The following WNK2 variants were observed in gnomAD, a reference collection of about 807,000 sequenced individuals.
WNK2 encodes serine/threonine-protein kinase WNK2.
A neutral mutation model predicts 192.1 loss-of-function variants in WNK2; 67 were observed. The ratio of observed to expected loss-of-function variants is 0.35; its 90% CI spans 0.29 to 0.43. The LOEUF is 0.43. Ranked by LOEUF, WNK2 falls within the 20% of genes least tolerant of loss-of-function variation. WNK2 has a pLI of 1.00. For missense variants in WNK2, 2,698 were observed against 3,089.7 expected, an observed-to-expected ratio of 0.87 and a Z score of 3.01; for synonymous variants, 1,439 against 1,393.9, an observed-to-expected ratio of 1.03 and a Z score of -0.72.
intron 15 of WNK2, 65 bp downstream of exon 15, chr9:93,263,799 T>A: frequency 6.7e-6 from 1 of 148,508 alleles, no homozygotes; most frequent in Non-Finnish European, 1.4e-5. Flanking sequence ...GTGGTGGGGG[T>A]GGGGCCGTGG....
chr9:93,259,894 T>A lies in WNK2; in HGVS notation c.3066+280T>A, dbSNP rs553685403. Among the ~76,000 whole-genome samples, 20 of 152,346 alleles carry A rather than the reference T, an allele frequency of 1.3e-4. No individual in the cohort carries two copies. In the South Asian group the frequency reaches 2.5e-3, roughly 19 times the overall value. On this transcript the variant is annotated intron_variant, in intron 12 of 29. Transcript: ENST00000427277. The surrounding 1 kb of genome is among the most constrained non-coding windows in gnomAD (Gnocchi z 4.8). ...GGCTCTGTGGCCCCTGCTCTTGTGG[T>A]ATCTTTGTACCTGCCCTCACCCAGG...
chr9:93,309,646 C>T (rs1306916876), intron 28 of WNK2, among the ~76,000 whole-genome samples: 4 of 152,130 alleles, frequency 2.6e-5, no homozygotes, highest in African/African-American at 9.7e-5. Context: ...ATGCAATCTC[C>T]TTAGGGGTGT....
chr9:93,284,924 A>G (rs1184506455), intron 19 of WNK2, among the ~76,000 whole-genome samples: 3 of 152,238 alleles, frequency 2.0e-5, no homozygotes, highest in Non-Finnish European at 2.9e-5. Flanking sequence ...GTGTTTTTCT[A>G]TTATCTACTC....
chr9:93,252,303 A>G (rs917302974), intron 8 of WNK2, among the ~76,000 whole-genome samples: 1 of 152,190 alleles, frequency 6.6e-6, no homozygotes, highest in South Asian at 2.1e-4. Flanking sequence ...GGGGGAGCTC[A>G]GGCCATGGGC....
chr9:93,213,314 C>G (rs1416919688), intron 2 of WNK2, among the ~76,000 whole-genome samples: 1 of 152,128 alleles, frequency 6.6e-6, no homozygotes, highest in African/African-American at 2.4e-5. Context: ...TTTTATTTCA[C>G]TTTACTTCAT....
At chr9:93,264,072 T>C in intron 16 of WNK2, 39 bp downstream of exon 16, 1 of 1,495,172 alleles carries the variant, frequency 6.7e-7, no homozygotes, top group African/African-American at 1.4e-5. Flanking sequence ...CCGGTGTTTC[T>C]TGGACACGTG....
chr9:93,314,446 G>GAA (rs111885432), intron 28 of WNK2, among the ~76,000 whole-genome samples: 3 of 130,056 alleles, frequency 2.3e-5, no homozygotes, highest in African/African-American at 8.7e-5. Context: ...GACCCTGTCT[G>GAA]AAAAAAAAAA....
At chr9:93,271,058 C>A (rs188977672) in intron 19 of WNK2, among the ~76,000 whole-genome samples, 3 of 152,280 alleles carry the variant, frequency 2.0e-5, no homozygotes, top group East Asian at 3.9e-4. Context: ...CCTGGGCTCA[C>A]CCCCAACCTG....
At chr9:93,191,840 C>A (rs1830384631) in intron 2 of WNK2, among the ~76,000 whole-genome samples, 1 of 152,060 alleles carries the variant, frequency 6.6e-6, no homozygotes. Context: ...GCCTGGCCAA[C>A]ATGGTGAAAC....
In WNK2 at chr9:93,247,741, G is replaced by A; in HGVS notation, c.1741G>A (p.Ala581Thr). The change falls in exon 8 of 30, where the codon GCT becomes ACT. Residue 581 changes from alanine (A) to threonine (T), a missense_variant. By Grantham distance (58) the Ala-to-Thr change is moderately conservative (BLOSUM62 0). Coordinates refer to ENST00000427277, the MANE Select transcript of WNK2 (RefSeq NM_006648.4). The surrounding 1 kb of genome is among the most constrained non-coding windows in gnomAD (Gnocchi z 5.2). Reference sequence around the variant, plus strand: ...GGTCCAGGTGACCTACCATGCACAGGCTGGGCAGCCCGGGCCACCAGAGCC... The same window carrying A: ...GGTCCAGGTGACCTACCATGCACAGACTGGGCAGCCCGGGCCACCAGAGCC... ...LQVQVTYHAQ[A>T]GQPGPPEPEE... 1 of 1,555,282 alleles carries A rather than the reference G, an allele frequency of 6.4e-7. No homozygotes were observed. Among genetic ancestry groups the A allele is most frequent in the Admixed American group, 1.9e-5 (1 of 51,716 alleles).
At chr9:93,213,237 G>A (rs1346645034) in intron 2 of WNK2, among the ~76,000 whole-genome samples, 1 of 152,194 alleles carries the variant, frequency 6.6e-6, no homozygotes, top group Admixed American at 6.5e-5. Context: ...CAGTTGAGGA[G>A]GGCAGGGTAG....
intron 29 of WNK2, chr9:93,318,562 A>T (rs749770864): frequency 6.2e-7 from 1 of 1,613,862 alleles, no homozygotes; most frequent in South Asian, 1.1e-5. Flanking sequence ...GTGAGTGAGG[A>T]TAAGGTGTGT....
chr9:93,223,699 A>G (rs1837336382), intron 2 of WNK2, among the ~76,000 whole-genome samples: 1 of 152,182 alleles, frequency 6.6e-6, no homozygotes, highest in Non-Finnish European at 1.5e-5. Context: ...AAGGGCAGGC[A>G]GGAGCCTGCT....
At chr9:93,262,599 T>C (rs1427895541) in intron 13 of WNK2, 71 bp from the exon 14 acceptor site, 10 of 1,542,250 alleles carry the variant, frequency 6.5e-6, no homozygotes, top group Non-Finnish European at 8.9e-6. Context: ...GAGCTGACTA[T>C]GCGTGGCTGT....
intron 2 of WNK2, among the ~76,000 whole-genome samples, chr9:93,192,019 G>A (rs1297303819): frequency 2.7e-5 from 4 of 150,570 alleles, no homozygotes; most frequent in East Asian, 2.0e-4. Flanking sequence ...GCAAGACTCC[G>A]TCTCAAAAAA....
At chr9:93,221,426 C>A (rs978010237) in intron 2 of WNK2, among the ~76,000 whole-genome samples, 3 of 152,188 alleles carry the variant, frequency 2.0e-5, no homozygotes, top group Non-Finnish European at 4.4e-5. Context: ...CTCTCTCCAC[C>A]CGTCTACTGG....
chr9:93,263,538 G>A, intron 14 of WNK2, 28 bp from the exon 15 acceptor site: 1 of 1,608,862 alleles, frequency 6.2e-7, no homozygotes, highest in Non-Finnish European at 8.5e-7. Context: ...GTCCTTTGGT[G>A]CCATTAATGT....
rs533511545 is a variant in WNK2, at chr9:93,227,314, C to T, written c.682-2382C>T. Among the ~76,000 whole-genome samples the T allele has an allele frequency of 5.9e-5, 9 of 152,090 alleles. No homozygotes were observed. The South Asian group carries it at 1.2e-3, about 21-fold the overall frequency. On this transcript the variant is annotated intron_variant, in intron 2 of 29. Coordinates refer to ENST00000427277, the MANE Select transcript of WNK2 (RefSeq NM_006648.4). ...ATTTTTAGTAGAGACGGGGTTTCAC[C>T]ATGTTAGCCAGGATGGTCTCGATCT... is the stretch of plus-strand genomic sequence containing the variant.
intron 2 of WNK2, among the ~76,000 whole-genome samples, chr9:93,208,752 TGCGCA>T (rs1392570503): frequency 1.6e-4 from 17 of 107,328 alleles, no homozygotes; most frequent in South Asian, 2.7e-4. Context: ...TTCATGTGTG[TGCGCA>T]TGTCCTCCGT....
Sources: allele counts gnomAD v4.1 joint callset (sites outside exome capture counted in the v4.1 genomes callset), GRCh38; gene constraint gnomAD v4.1.1; non-coding constraint Gnocchi (gnomAD v3.1); transcripts MANE v1.5; gene names NCBI Gene and HGNC (gene_info 2026-07-23, HGNC 2026-07-21).